MACROD2: variants seen among roughly 807,000 people sequenced by gnomAD.
The protein encoded by MACROD2 is ADP-ribose glycohydrolase MACROD2.
Under a neutral mutation model 70.4 loss-of-function variants are expected in MACROD2, and 36 were observed. That is an observed-to-expected ratio of 0.51 (90% confidence interval 0.39 to 0.68). MACROD2 has a LOEUF of 0.68. MACROD2 is among the 30% of genes least tolerant of loss of function. The pLI is 0.00. For missense variants in MACROD2, 496 were observed against 538.4 expected (o/e 0.92, Z 0.78); for synonymous variants, 172 against 178.8 (o/e 0.96, Z 0.30).
intron 8 of MACROD2, among the ~76,000 whole-genome samples, chr20:15,729,012 G>A (rs932277182): frequency 6.6e-6 from 1 of 151,986 alleles, no homozygotes; most frequent in Non-Finnish European, 1.5e-5. Flanking sequence ...TTTGATGTGG[G>A]CATTTAACAC....
intron 3 of MACROD2, among the ~76,000 whole-genome samples, chr20:14,256,821 A>C (rs1345083883): frequency 1.3e-5 from 2 of 152,150 alleles, no homozygotes; most frequent in African/African-American, 2.4e-5. Context: ...TGGCTTAGCT[A>C]TCTGGGATTT....
At chr20:14,270,825 C>G (rs1291919389) in intron 3 of MACROD2, among the ~76,000 whole-genome samples, 1 of 152,168 alleles carries the variant, frequency 6.6e-6, no homozygotes, top group Non-Finnish European at 1.5e-5. Context: ...AAAAATGGCG[C>G]ACCAGGAGAT....
At chr20:14,686,790 T>C (rs949455579) in intron 5 of MACROD2, among the ~76,000 whole-genome samples, 2 of 152,228 alleles carry the variant, frequency 1.3e-5, no homozygotes, top group African/African-American at 4.8e-5. Flanking sequence ...AGCATGATTG[T>C]ATATCAACTA....
chr20:14,241,991 G>A (rs1385451497), intron 3 of MACROD2, among the ~76,000 whole-genome samples: 2 of 152,036 alleles, frequency 1.3e-5, no homozygotes, highest in African/African-American at 4.8e-5. Flanking sequence ...TTACATCTTA[G>A]TAACCTCAGT....
intron 5 of MACROD2, among the ~76,000 whole-genome samples, chr20:14,794,690 A>G (rs2072490143): frequency 6.6e-6 from 1 of 152,126 alleles, no homozygotes; most frequent in African/African-American, 2.4e-5. Context: ...TAATATTCAA[A>G]TATCTGTTTG....
intron 8 of MACROD2, among the ~76,000 whole-genome samples, chr20:15,780,809 A>G (rs756334608): frequency 6.6e-6 from 1 of 152,072 alleles, no homozygotes; most frequent in Non-Finnish European, 1.5e-5. Flanking sequence ...TGAGAGTTGT[A>G]TGAATTCAGT....
At chr20:14,175,988 C>A (rs914341256) in intron 3 of MACROD2, among the ~76,000 whole-genome samples, 15 of 152,096 alleles carry the variant, frequency 9.9e-5, no homozygotes, top group Non-Finnish European at 1.5e-4. Flanking sequence ...AATTAAGCTC[C>A]AAACAAATAT....
At chr20:15,797,017 T>C (rs1254426131) in intron 8 of MACROD2, among the ~76,000 whole-genome samples, 1 of 152,258 alleles carries the variant, frequency 6.6e-6, no homozygotes, top group Non-Finnish European at 1.5e-5. Context: ...TTTGTTGTCC[T>C]TGATTTAGGT....
chr20:14,667,926 C>A (rs1192191052), intron 4 of MACROD2, among the ~76,000 whole-genome samples: 1 of 152,074 alleles, frequency 6.6e-6, no homozygotes, highest in Non-Finnish European at 1.5e-5. Context: ...AAGGCCAAGG[C>A]AGGCAGATCT....
intron 3 of MACROD2, among the ~76,000 whole-genome samples, chr20:14,111,167 C>T (rs2054445955): frequency 6.6e-6 from 1 of 151,962 alleles, no homozygotes; most frequent in East Asian, 1.9e-4. Context: ...ACTGGATATC[C>T]ATATGCAGAA....
intron 4 of MACROD2, among the ~76,000 whole-genome samples, chr20:14,498,047 C>T (rs1316488259): frequency 6.6e-6 from 1 of 151,710 alleles, no homozygotes; most frequent in African/African-American, 2.4e-5. Context: ...GTACCTGCTC[C>T]TCTAATCTCC....
At chr20:15,780,914 C>T (rs7265588) in intron 8 of MACROD2, among the ~76,000 whole-genome samples, 1,850 of 152,140 alleles carry the variant, frequency 0.012, 39 homozygotes, top group African/African-American at 0.042. Context: ...ACTGAGATGA[C>T]GAGGGCATCA....
intron 6 of MACROD2, among the ~76,000 whole-genome samples, chr20:15,231,165 A>C (rs974763293): frequency 6.6e-6 from 1 of 152,072 alleles, no homozygotes; most frequent in Non-Finnish European, 1.5e-5. Flanking sequence ...TTCATGACCT[A>C]ATTATATAGC....
At chr20:14,088,887 T>C (rs2054114797) in intron 3 of MACROD2, among the ~76,000 whole-genome samples, 2 of 152,216 alleles carry the variant, frequency 1.3e-5, no homozygotes, top group African/African-American at 2.4e-5. Flanking sequence ...AGTGAACCAG[T>C]TGGCTCTGGT....
intron 10 of MACROD2, among the ~76,000 whole-genome samples, chr20:15,917,578 G>A (rs1465472770): frequency 1.3e-5 from 2 of 152,098 alleles, no homozygotes; most frequent in Non-Finnish European, 2.9e-5. Flanking sequence ...TCATACTTTG[G>A]CTTTTATGTC....
chr20:14,984,367 ATT>A (rs1048180685), intron 5 of MACROD2, among the ~76,000 whole-genome samples: 1 of 151,884 alleles, frequency 6.6e-6, no homozygotes, highest in Non-Finnish European at 1.5e-5. Flanking sequence ...TGGTTGGTTA[ATT>A]TTTTTTCTGT....
chr20:14,111,052 T>C (rs1034254668), intron 3 of MACROD2, among the ~76,000 whole-genome samples: 1 of 151,020 alleles, frequency 6.6e-6, no homozygotes, highest in Non-Finnish European at 1.5e-5. Context: ...GAACAGAGAG[T>C]CTGGAAACAA....
rs1217461123 is a variant in MACROD2 at position 15,987,157 on chromosome 20, A to G, written c.1152A>G (p.Lys384=). Residue 384 remains lysine (K), a splice_region_variant and synonymous_variant, in exon 15 of 18, where the codon AAA becomes AAG. Coordinates refer to ENST00000684519, the MANE Select transcript of MACROD2 (RefSeq NM_001351661.2). ...TEDQEEKEGE[K]APGEDTPRMP... ...ACCAAGAAGAAAAAGAAGGTGAAAAAGGTAGGACTGCTCTTAAATTAACCC... is the reference window on the plus strand; with the variant it reads ...ACCAAGAAGAAAAAGAAGGTGAAAAGGGTAGGACTGCTCTTAAATTAACCC... 6.2e-6 allele frequency: 10 copies of G among 1,605,206 alleles called. No individual in the cohort carries two copies. The East Asian group carries it at 2.2e-4, about 36-fold the overall frequency.
At chr20:15,911,293 G>A (rs1208997535) in intron 10 of MACROD2, among the ~76,000 whole-genome samples, 1 of 152,168 alleles carries the variant, frequency 6.6e-6, no homozygotes, top group Admixed American at 6.5e-5. Flanking sequence ...TATCAACAGG[G>A]AAAATAGACG....
Sources: gnomAD v4.1 joint callset for allele counts (sites outside exome capture counted in the v4.1 genomes callset) on GRCh38, gnomAD v4.1.1 for gene constraint, MANE v1.5 for transcripts, NCBI Gene and HGNC (gene_info 2026-07-23, HGNC 2026-07-21) for gene names.